DHRS12: variants seen among roughly 807,000 people sequenced by gnomAD.
The protein encoded by DHRS12 is dehydrogenase/reductase SDR family member 12.
Under a neutral mutation model 32.1 loss-of-function variants are expected in DHRS12, and 29 were observed. That is an observed-to-expected ratio of 0.90 (90% CI 0.67 to 1.23). DHRS12 has a LOEUF of 1.23. DHRS12 is among the 50% of genes most tolerant of loss of function. The probability of loss-of-function intolerance (pLI) is 0.00; values close to 1 mark genes in which losing one functional copy is unlikely to be tolerated. For missense variants in DHRS12, 330 were observed against 337.2 expected (o/e 0.98, Z 0.17); for synonymous variants, 150 against 135.9 (o/e 1.10, Z -0.72).
At chr13:51,799,724 C>G in intron 1 of DHRS12, 57 bp from the exon 2 acceptor site, 1 of 1,587,826 alleles carries the variant, frequency 6.3e-7, no homozygotes, top group South Asian at 1.1e-5. Flanking sequence ...ACACAAACCC[C>G]TGCAGGAGAA....
chr13:51,778,173 G>C lies in DHRS12; in HGVS notation c.302-1052C>G, dbSNP rs151330037. On this transcript the variant is annotated intron_variant, in intron 4 of 8. Coordinates refer to ENST00000444610, the MANE Select transcript of DHRS12 (RefSeq NM_001377533.1). ...TTACCAGCGGTGTGACCGTAGGCAA[G>C]TGCGGTGGCATTTTCAGGAGATAAT... Among the ~76,000 whole-genome samples the C allele has an allele frequency of 5.2e-3, 796 of 152,348 alleles. 6 individuals carry two copies. The highest frequency in any genetic ancestry group is 0.018 in the African/African-American group (753 of 41,584).
chr13:51,802,080 A>C (rs1400757353), intron 1 of DHRS12, among the ~76,000 whole-genome samples: 1 of 152,090 alleles, frequency 6.6e-6, no homozygotes, highest in East Asian at 1.9e-4. Context: ...GTTGTTAATA[A>C]GACTTGTCTT....
At chr13:51,794,052 C>T (rs1955400325) in intron 2 of DHRS12, among the ~76,000 whole-genome samples, 2 of 152,110 alleles carry the variant, frequency 1.3e-5, no homozygotes. Flanking sequence ...CCCTCTGAGG[C>T]AAAACAGGAG....
At chr13:51,768,923 C>A in intron 8 of DHRS12, 1 of 1,397,916 alleles carries the variant, frequency 7.2e-7, no homozygotes, top group East Asian at 2.8e-5. Flanking sequence ...CCCGTTCTCA[C>A]AGGACCTTGA....
At chr13:51,785,849 T>G (rs1305218084) in intron 4 of DHRS12, among the ~76,000 whole-genome samples, 1 of 152,232 alleles carries the variant, frequency 6.6e-6, no homozygotes, top group Non-Finnish European at 1.5e-5. Context: ...TTGTTGTCCT[T>G]TGTTTAGGAA....
chr13:51,791,945 A>C (rs982935217), intron 2 of DHRS12, among the ~76,000 whole-genome samples: 2 of 152,216 alleles, frequency 1.3e-5, no homozygotes, highest in Non-Finnish European at 2.9e-5. Context: ...TTAAGGCTGA[A>C]TGATATTCCA....
chr13:51,762,104 T>C, the DHRS12 span: 1 of 152,260 alleles, frequency 6.6e-6, no homozygotes, highest in African/African-American at 2.4e-5. Context: ...GGACTGTGTG[T>C]TGGAAATGAG....
chr13:51,794,960 A>G (rs1260794304), intron 2 of DHRS12, among the ~76,000 whole-genome samples: 1 of 152,184 alleles, frequency 6.6e-6, no homozygotes, highest in Non-Finnish European at 1.5e-5. Context: ...GTGAGCCAGC[A>G]GTCTGCTCTA....
intron 3 of DHRS12, 64 bp downstream of exon 3, chr13:51,791,101 C>T (rs1312041289): frequency 1.8e-5 from 21 of 1,163,610 alleles, no homozygotes; most frequent in Admixed American, 4.6e-5. Context: ...TATCCGTCCA[C>T]ATCCACAGAC....
In DHRS12 at chr13:51,779,045, T is replaced by C. The variant is rs531352184; in HGVS notation, c.302-1924A>G. ...AAGTTCATACAATGTGGAAAACAGA[T>C]GGCGCATCTCCCTTTTCTTGAGTCA... On this transcript the variant is annotated intron_variant, in intron 4 of 8. Coordinates refer to ENST00000444610, the MANE Select transcript of DHRS12 (RefSeq NM_001377533.1). 5.3e-5 allele frequency among the ~76,000 whole-genome samples: 8 copies of C among 152,210 alleles called. 1 individual carries two copies. In the South Asian group the frequency reaches 1.7e-3, roughly 32 times the overall value.
At chr13:51,773,154 G>T in intron 6 of DHRS12, 1 of 822,142 alleles carries the variant, frequency 1.2e-6, no homozygotes, top group Non-Finnish European at 1.5e-6. Context: ...CATCTGAAAT[G>T]CTGAGGCCCA....
chr13:51,784,839 T>C lies in DHRS12; in HGVS notation c.301+5172A>G, dbSNP rs73494151. Reference sequence around the variant, plus strand: ...ACCACATGATTACTGAAATTATGTATGTGTCTAATTCCCCCACTAGGCCAG... The same window carrying C: ...ACCACATGATTACTGAAATTATGTACGTGTCTAATTCCCCCACTAGGCCAG... On this transcript the variant is annotated intron_variant, in intron 4 of 8. Coordinates refer to ENST00000444610, the MANE Select transcript of DHRS12 (RefSeq NM_001377533.1). 8.8e-3 allele frequency among the ~76,000 whole-genome samples: 1,337 copies of C among 152,328 alleles called. 21 individuals carry two copies. The highest frequency in any genetic ancestry group is 0.031 in the African/African-American group (1,268 of 41,572).
intron 4 of DHRS12, among the ~76,000 whole-genome samples, chr13:51,788,260 A>C (rs540451252): frequency 1.3e-5 from 2 of 152,132 alleles, no homozygotes. Flanking sequence ...CAGCTGTCCC[A>C]TCGAGTTATG....
intron 2 of DHRS12, among the ~76,000 whole-genome samples, chr13:51,797,285 AG>A (rs1955550722): frequency 6.6e-6 from 1 of 152,082 alleles, no homozygotes; most frequent in South Asian, 2.1e-4. Flanking sequence ...CTTTTACACA[AG>A]GGTCTTGCAT....
the DHRS12 span, chr13:51,755,376 A>G: frequency 1.9e-6 from 3 of 1,614,218 alleles, no homozygotes; most frequent in Non-Finnish European, 2.5e-6. Context: ...ATGGTTGGAC[A>G]GTGATTCCTG....
At chr13:51,795,550 G>A (rs1425250423) in intron 2 of DHRS12, among the ~76,000 whole-genome samples, 2 of 152,132 alleles carry the variant, frequency 1.3e-5, no homozygotes, top group Non-Finnish European at 1.5e-5. Flanking sequence ...GGAACTGAAC[G>A]CAGGGATTGA....
chr13:51,786,778 C>T (rs1374729763), intron 4 of DHRS12, among the ~76,000 whole-genome samples: 7 of 152,232 alleles, frequency 4.6e-5, no homozygotes, highest in Admixed American at 2.0e-4. Flanking sequence ...GAGGTTTACG[C>T]TCTCCTCAGA....
downstream of DHRS12, chr13:51,767,395 G>A (rs1250151301): frequency 6.6e-6 from 1 of 152,212 alleles, no homozygotes; most frequent in Non-Finnish European, 1.5e-5. Context: ...CCTTCCTTGT[G>A]GTCCTTGGCT....
At chr13:51,765,905 G>A (rs1953732098), downstream of DHRS12, 1 of 152,096 alleles carries the variant, frequency 6.6e-6, no homozygotes, top group African/African-American at 2.4e-5. Context: ...TTTCTTGGAA[G>A]TGTCAAGAAT....
Sources: allele counts gnomAD v4.1 joint callset (sites outside exome capture counted in the v4.1 genomes callset), GRCh38; gene constraint gnomAD v4.1.1; transcripts MANE v1.5; gene names NCBI Gene and HGNC (gene_info 2026-07-23, HGNC 2026-07-21).